The following MCC variants were observed in gnomAD, a reference collection of about 807,000 sequenced individuals.
MCC encodes the protein MCC regulator of Wnt signaling pathway.
A neutral mutation model predicts 116.2 loss-of-function variants in MCC; 90 were observed. That is an observed-to-expected ratio of 0.77 (90% CI 0.65 to 0.92). MCC has a LOEUF of 0.92. Ranked by LOEUF, MCC falls within the 40% of genes least tolerant of loss-of-function variation. MCC has a pLI of 0.00. For missense variants in MCC, 1,516 were observed against 1,312.2 expected (o/e 1.16, Z -2.40); for synonymous variants, 578 against 510.5 (o/e 1.13, Z -1.78).
intron 8 of MCC, among the ~76,000 whole-genome samples, chr5:113,088,006 C>T (rs1755323371): frequency 6.6e-6 from 1 of 152,198 alleles, no homozygotes; most frequent in African/African-American, 2.4e-5. Context: ...ATTTTCCTTG[C>T]TGTGTATGTG....
intron 3 of MCC, among the ~76,000 whole-genome samples, chr5:113,157,618 C>T (rs1466532769): frequency 6.6e-6 from 1 of 152,168 alleles, no homozygotes; most frequent in Non-Finnish European, 1.5e-5. Flanking sequence ...TTCTCTTTCT[C>T]CTTAACTTGG....
intron 3 of MCC, among the ~76,000 whole-genome samples, chr5:113,297,815 G>A (rs1285573102): frequency 7.4e-5 from 11 of 148,850 alleles, no homozygotes; most frequent in Non-Finnish European, 1.0e-4. Context: ...CAGAAAGAAA[G>A]TAGATGGAAA....
chr5:113,105,181 A>C (rs1377826876), intron 6 of MCC, among the ~76,000 whole-genome samples: 2 of 152,224 alleles, frequency 1.3e-5, no homozygotes, highest in Non-Finnish European at 2.9e-5. Context: ...TGCAGGGCAG[A>C]TGCTGACTGA....
chr5:113,176,626 C>A (rs1440941482), intron 3 of MCC, among the ~76,000 whole-genome samples: 2 of 152,192 alleles, frequency 1.3e-5, no homozygotes, highest in African/African-American at 4.8e-5. Flanking sequence ...TCCCTTCTTT[C>A]CCTGCAAACT....
At chr5:113,271,701 C>T (rs1765624841) in intron 3 of MCC, among the ~76,000 whole-genome samples, 1 of 152,148 alleles carries the variant, frequency 6.6e-6, no homozygotes, top group Admixed American at 6.5e-5. Context: ...GGTAATTAGG[C>T]CATAAGGGCT....
intron 9 of MCC, 101 bp from the exon 10 acceptor site, chr5:113,084,291 T>C: frequency 1.1e-6 from 1 of 883,672 alleles, no homozygotes. Context: ...CCATGTCAAC[T>C]AAATGATTAA....
intron 3 of MCC, among the ~76,000 whole-genome samples, chr5:113,339,135 A>G (rs1040640799): frequency 6.6e-6 from 1 of 151,772 alleles, no homozygotes; most frequent in African/African-American, 2.4e-5. Flanking sequence ...CTGAGACAGG[A>G]GAATTGCTTG....
At chr5:113,235,726 T>C (rs1764104211) in intron 3 of MCC, among the ~76,000 whole-genome samples, 1 of 152,228 alleles carries the variant, frequency 6.6e-6, no homozygotes, top group Admixed American at 6.5e-5. Flanking sequence ...CTGGGCACCA[T>C]TTCTCCTGCA....
chr5:113,133,477 T>C (rs1438244731), intron 5 of MCC, among the ~76,000 whole-genome samples: 1 of 152,212 alleles, frequency 6.6e-6, no homozygotes, highest in Non-Finnish European at 1.5e-5. Flanking sequence ...CATTCTTTTT[T>C]TTTTTATAGC....
At chr5:113,142,744 CT>C (rs1348194509) in intron 5 of MCC, among the ~76,000 whole-genome samples, 2 of 152,154 alleles carry the variant, frequency 1.3e-5, no homozygotes, top group Admixed American at 6.5e-5. Context: ...ATCTGGAAGC[CT>C]ACATAATGCT....
chr5:113,467,625 C>G (rs1339933938), intron 1 of MCC, among the ~76,000 whole-genome samples: 3 of 152,122 alleles, frequency 2.0e-5, no homozygotes, highest in Non-Finnish European at 4.4e-5. Context: ...CGTGATGCTT[C>G]CAGCTTTGTT....
chr5:113,481,929 T>C (rs1012607396), intron 1 of MCC, among the ~76,000 whole-genome samples: 3 of 152,212 alleles, frequency 2.0e-5, no homozygotes, highest in Non-Finnish European at 4.4e-5. Context: ...CTCATTCATC[T>C]ATTCTTCCCA....
rs147662005 is a variant in MCC, at chr5:113,191,306, C to G, written c.628-39884G>C. On this transcript the variant is annotated intron_variant, in intron 3 of 18. Transcript: ENST00000408903. ...GGGTTTGTGAGCCTGGGCTTTCCTT[C>G]TGTCATTCTCTTCTTCTATCTCTTC... 2.0e-3 allele frequency among the ~76,000 whole-genome samples: 311 copies of G among 152,300 alleles called. 1 individual carries two copies. The highest frequency in any genetic ancestry group is 7.1e-3 in the African/African-American group (297 of 41,572).
intron 1 of MCC, among the ~76,000 whole-genome samples, chr5:113,476,675 C>T (rs1016259952): frequency 1.3e-5 from 2 of 152,132 alleles, no homozygotes; most frequent in African/African-American, 2.4e-5. Flanking sequence ...TAAAAGGCCA[C>T]AGAATGTACA....
intron 8 of MCC, among the ~76,000 whole-genome samples, chr5:113,098,844 CT>C (rs374259734): frequency 2.3e-4 from 35 of 152,256 alleles, no homozygotes; most frequent in African/African-American, 7.9e-4. Flanking sequence ...CGTCAAGGAA[CT>C]TTGATGAACT....
At chr5:113,243,276 G>A (rs570133836) in intron 3 of MCC, among the ~76,000 whole-genome samples, 3 of 152,040 alleles carry the variant, frequency 2.0e-5, no homozygotes, top group Non-Finnish European at 4.4e-5. Context: ...ACATATAAAT[G>A]GAAGGTAAAG....
At chr5:113,123,292 T>C (rs889350291) in intron 5 of MCC, among the ~76,000 whole-genome samples, 13 of 152,222 alleles carry the variant, frequency 8.5e-5, no homozygotes, top group Admixed American at 2.6e-4. Context: ...GTTAGAGCTA[T>C]TGGGAAACCA....
At chr5:113,416,126 C>T (rs7715071) in intron 1 of MCC, among the ~76,000 whole-genome samples, 17,526 of 152,172 alleles carry the variant, frequency 0.12, 1,751 homozygotes, top group African/African-American at 0.27. Context: ...CAGAAATCAC[C>T]CGTCTTCTGC....
chr5:113,482,277 G>C (rs562931377), intron 1 of MCC, among the ~76,000 whole-genome samples: 16 of 152,124 alleles, frequency 1.1e-4, no homozygotes, highest in Non-Finnish European at 2.1e-4. Flanking sequence ...GTATATCTAG[G>C]AGTAGCATTG....
Sources: allele counts gnomAD v4.1 joint callset (sites outside exome capture counted in the v4.1 genomes callset), GRCh38; gene constraint gnomAD v4.1.1; transcripts MANE v1.5; gene names NCBI Gene and HGNC (gene_info 2026-07-23, HGNC 2026-07-21).